TRPV2: variants seen among roughly 807,000 people sequenced by gnomAD.
TRPV2 encodes OTRPC2.
Under a neutral mutation model 91.0 loss-of-function variants are expected in TRPV2, and 58 were observed. The observed-to-expected ratio is 0.64, with a 90% CI of 0.52 to 0.79. The LOEUF (loss-of-function observed/expected upper bound fraction) is 0.79. Among genes scored for constraint, TRPV2 ranks in the 30% least tolerant of loss-of-function variants. TRPV2 has a pLI of 0.00. For missense variants in TRPV2, 807 were observed against 969.6 expected (o/e 0.83, Z 2.23); for synonymous variants, 417 against 414.8 (o/e 1.01, Z -0.06).
intron 3 of TRPV2, 141 bp downstream of exon 3, chr17:16,420,389 C>T: frequency 8.9e-7 from 1 of 1,120,022 alleles, no homozygotes. Context: ...CTGGGGGGCC[C>T]TGTGGACAGA....
In TRPV2 at chr17:16,433,588, C is replaced by G. The variant is rs780055557; in HGVS notation, c.2004C>G (p.Val668=). The G allele has an allele frequency of 6.2e-6, 10 of 1,613,992 alleles. No individual in the cohort carries two copies. The South Asian group carries it at 9.9e-5, about 16-fold the overall frequency. The change falls in exon 13 of 15, where the codon GTC becomes GTG. Residue 668 remains valine (V), a synonymous_variant. Coordinates refer to ENST00000338560, the MANE Select transcript of TRPV2 (RefSeq NM_016113.5). ...TTTGTCCCCAGAAAGCCATCTCTGT[C>G]CTGGAGATGGAGAATGGCTATTGGT... ...SIWKLQKAIS[V]LEMENGYWWC...
At chr17:16,421,661 A>C (rs2093358113) in intron 3 of TRPV2, among the ~76,000 whole-genome samples, 1 of 151,048 alleles carries the variant, frequency 6.6e-6, no homozygotes, top group Non-Finnish European at 1.5e-5. Context: ...AGCTGGGATT[A>C]CAGGCGCCCA....
In TRPV2 at chr17:16,434,953, A is replaced by C. The variant is rs1400444872; in HGVS notation, c.2178A>C (p.Ser726=). ...TGCCTACGCTGTGTGAGGACCCGTC[A>C]GGGGCAGGTGTCCCTCGTGAGTAGC... ...QTLPTLCEDP[S]GAGVPRTLEN... The change falls in exon 14 of 15, where the codon TCA becomes TCC. Residue 726 remains serine (S), a synonymous_variant. Transcript: ENST00000338560. The C allele has an allele frequency of 2.5e-6, 4 of 1,610,598 alleles. No homozygotes were observed. The highest frequency in any genetic ancestry group is 3.4e-6 in the Non-Finnish European group (4 of 1,178,488).
At chr17:16,419,043 A>T (rs949599008) in intron 2 of TRPV2, among the ~76,000 whole-genome samples, 36 of 152,200 alleles carry the variant, frequency 2.4e-4, no homozygotes, top group Non-Finnish European at 4.9e-4. Context: ...AAAAAAAAAA[A>T]AGTGACGGAT....
intron 8 of TRPV2, 120 bp from the exon 9 acceptor site, chr17:16,428,197 C>T: frequency 1.1e-6 from 1 of 914,386 alleles, no homozygotes; most frequent in Non-Finnish European, 1.8e-6. Context: ...TCATGAGTCC[C>T]CCAAAACCAA....
chr17:16,428,330 G>T lies in TRPV2; in HGVS notation c.1364G>T (p.Trp455Leu), dbSNP rs143319709. 49 of 1,614,078 alleles carry T rather than the reference G, an allele frequency of 3.0e-5. 1 individual carries two copies. In the African/African-American group the frequency reaches 5.5e-4, roughly 18 times the overall value. The change falls in exon 9 of 15, where the codon TGG becomes TTG. Residue 455 changes from tryptophan to leucine, a missense_variant. Coordinates refer to ENST00000338560, the MANE Select transcript of TRPV2 (RefSeq NM_016113.5). ...YLLVGQLWYF[W>L]RRHVFIWISF... ...CTTCCTCCGCAGCTGTGGTACTTCT[G>T]GCGGCGCCACGTGTTCATCTGGATC...
At chr17:16,427,380 T>A in intron 7 of TRPV2, 69 bp from the exon 8 acceptor site, 1 of 1,466,006 alleles carries the variant, frequency 6.8e-7, no homozygotes, top group Admixed American at 1.8e-5. Context: ...GCCCTCAGCT[T>A]CAGCTCTGAA....
In TRPV2 at chr17:16,426,814, G is replaced by A. The variant is rs2142994691; in HGVS notation, c.1188G>A (p.Leu396=). 6.2e-7 allele frequency: 1 copy of A among 1,614,026 alleles called. No individual in the cohort carries two copies. Among genetic ancestry groups the A allele is most frequent in the East Asian group, 2.2e-5 (1 of 44,872 alleles). ...TCCCCAAGTTCTTCTTAAACTTCCT[G>A]TGTAATCTGATCTACATGTTCATCT... ...LLIPKFFLNF[L]CNLIYMFIFT... The change falls in exon 7 of 15, where the codon CTG becomes CTA. Residue 396 remains leucine (L), a synonymous_variant. Coordinates refer to ENST00000338560, the MANE Select transcript of TRPV2 (RefSeq NM_016113.5). The surrounding 1 kb of genome is among the most constrained non-coding windows in gnomAD (Gnocchi z 6.0).
At chr17:16,430,589 G>T (rs201899065) in intron 10 of TRPV2, among the ~76,000 whole-genome samples, 2 of 151,372 alleles carry the variant, frequency 1.3e-5, no homozygotes, top group African/African-American at 2.4e-5. Flanking sequence ...AGGTTCAAGC[G>T]ATTCTCCTGC....
chr17:16,426,902 C>G lies in TRPV2; in HGVS notation c.1251+25C>G. The G allele has an allele frequency of 6.3e-7, 1 of 1,594,782 alleles. No homozygotes were observed. The highest frequency in any genetic ancestry group is 8.5e-7 in the Non-Finnish European group (1 of 1,169,914). ...GGCAAGGGCGTGAGGTTTGGGGGGG[C>G]ACATCTTGGGGGAGGCCTGCTTGAA... On this transcript the variant is annotated intron_variant, in intron 7 of 14. Coordinates refer to ENST00000338560, the MANE Select transcript of TRPV2 (RefSeq NM_016113.5). This position sits in a 1 kb window ranked among gnomAD's most constrained non-coding sequence, Gnocchi z 6.0.
chr17:16,420,361 C>A, intron 3 of TRPV2, 113 bp downstream of exon 3: 1 of 1,337,968 alleles, frequency 7.5e-7, no homozygotes, highest in Non-Finnish European at 1.0e-6. Context: ...CTCAGCAGCC[C>A]TCCCACTGGA....
At chr17:16,431,645 C>T (rs2093413079) in intron 10 of TRPV2, 139 bp from the exon 11 acceptor site, 1 of 743,794 alleles carries the variant, frequency 1.3e-6, no homozygotes, top group Admixed American at 2.3e-5. Flanking sequence ...GGTGTGGCTC[C>T]ACAGGCCCAC....
intron 3 of TRPV2, among the ~76,000 whole-genome samples, chr17:16,421,708 G>T (rs980891336): frequency 2.9e-4 from 43 of 149,942 alleles, no homozygotes; most frequent in African/African-American, 9.3e-4. Flanking sequence ...TTTTAGTAAA[G>T]ATGGGATTTC....
Position 16,432,092 on chromosome 17 carries a change from T to C in TRPV2, c.1781T>C (p.Leu594Pro). Residue 594 changes from leucine to proline, a missense_variant, in exon 12 of 15, where the codon CTG becomes CCG. Transcript: ENST00000338560. The part of the protein sequence containing the change: ...EGNGAQYRGI[L>P]EASLELFKFT... ...AACGGGGCCCAGTACAGGGGTATCC[T>C]GGAAGCCTCCTTGGAGCTCTTCAAA... The C allele has an allele frequency of 6.2e-7, 1 of 1,614,220 alleles. No homozygotes were observed. The highest frequency in any genetic ancestry group is 8.5e-7 in the Non-Finnish European group (1 of 1,180,024).
chr17:16,422,813 G>C lies in TRPV2; in HGVS notation c.549G>C (p.Val183=). The C allele has an allele frequency of 6.4e-7, 1 of 1,574,752 alleles. No individual in the cohort carries two copies. Among genetic ancestry groups the C allele is most frequent in the South Asian group, 1.2e-5 (1 of 86,480 alleles). Residue 183 remains valine, a synonymous_variant, in exon 4 of 15, where the codon GTG becomes GTC. Transcript: ENST00000338560. Reference sequence around the variant, plus strand: ...GTCTGCAGTGTGTGAAGCTCCTGGTGGAGAATGGGGCCAATGTGCATGCCC... The same window carrying C: ...GTCTGCAGTGTGTGAAGCTCCTGGTCGAGAATGGGGCCAATGTGCATGCCC... ...KRSLQCVKLL[V]ENGANVHARA...
At chr17:16,434,467 CAAAAA>C (rs10634588) in intron 13 of TRPV2, among the ~76,000 whole-genome samples, 2 of 109,764 alleles carry the variant, frequency 1.8e-5, no homozygotes, top group Non-Finnish European at 3.5e-5. Flanking sequence ...GACTCCATCT[CAAAAA>C]AAAAAAAAAA....
Position 16,426,985 on chromosome 17 carries a change from C to T in TRPV2, c.1251+108C>T. On this transcript the variant is annotated intron_variant, in intron 7 of 14. Coordinates refer to ENST00000338560, the MANE Select transcript of TRPV2 (RefSeq NM_016113.5). This position sits in a 1 kb window ranked among gnomAD's most constrained non-coding sequence, Gnocchi z 6.0. ...GCTGAGGCATGGGCTGCTGGAGTGA[C>T]ATTCCCAAGCTTATGGGAGCCAGCA... is the stretch of plus-strand genomic sequence containing the variant. 1 of 1,299,980 alleles carries T rather than the reference C, an allele frequency of 7.7e-7. No individual in the cohort carries two copies. The highest frequency in any genetic ancestry group is 1.1e-6 in the Non-Finnish European group (1 of 945,888). 80.5% of individuals were successfully genotyped at this position (1,299,980 alleles called of 1,614,324 possible).
intron 2 of TRPV2, among the ~76,000 whole-genome samples, chr17:16,419,845 C>A (rs1055656629): frequency 6.6e-6 from 1 of 152,232 alleles, no homozygotes; most frequent in Non-Finnish European, 1.5e-5. Flanking sequence ...TGGCACATGA[C>A]AAGCACCTGA....
At position 16,426,883 on chromosome 17, in the gene TRPV2, G is replaced by A; in HGVS notation, c.1251+6G>A. 1 of 1,611,942 alleles carries A rather than the reference G, an allele frequency of 6.2e-7. No homozygotes were observed. The highest frequency in any genetic ancestry group is 1.7e-4 in the Middle Eastern group (1 of 6,036). On this transcript the variant is annotated splice_donor_region_variant and intron_variant, in intron 7 of 14. Transcript: ENST00000338560. The surrounding 1 kb of genome is among the most constrained non-coding windows in gnomAD (Gnocchi z 6.0). ...ATCAGCCTACCCTGAAGAAGGCAAG[G>A]GCGTGAGGTTTGGGGGGGCACATCT...
Sources: allele counts gnomAD v4.1 joint callset (sites outside exome capture counted in the v4.1 genomes callset), GRCh38; gene constraint gnomAD v4.1.1; non-coding constraint Gnocchi (gnomAD v3.1); transcripts MANE v1.5; gene names NCBI Gene and HGNC (gene_info 2026-07-23, HGNC 2026-07-21).